The following CDH18 variants were observed in gnomAD, a reference collection of about 807,000 sequenced individuals.
CDH18 encodes cadherin-18.
In CDH18, 31 loss-of-function variants were observed where a neutral mutation model predicts 67.9. The observed-to-expected ratio is 0.46, with a 90% CI of 0.34 to 0.62. CDH18 has a LOEUF of 0.62. Among genes scored for constraint, CDH18 ranks in the 20% least tolerant of loss-of-function variants. The pLI, the probability that CDH18 is intolerant of heterozygous loss-of-function variation, is 0.01. For synonymous variants in CDH18, 362 were observed against 347.2 expected (o/e 1.04, Z -0.48); for missense variants, 890 against 975.5 (o/e 0.91, Z 1.17).
At chr5:19,822,007 C>T (rs911560717) in intron 3 of CDH18, among the ~76,000 whole-genome samples, 2 of 152,132 alleles carry the variant, frequency 1.3e-5, no homozygotes, top group African/African-American at 2.4e-5. Flanking sequence ...TCCACAAAGA[C>T]ACACTTAAGT....
At chr5:19,684,668 T>C (rs1264510632) in intron 5 of CDH18, among the ~76,000 whole-genome samples, 1 of 151,900 alleles carries the variant, frequency 6.6e-6, no homozygotes, top group East Asian at 1.9e-4. Context: ...ATTTTTAAAA[T>C]TGAAAACCCT....
At chr5:20,543,141 G>A (rs1757147319) in intron 1 of CDH18, among the ~76,000 whole-genome samples, 5 of 151,830 alleles carry the variant, frequency 3.3e-5, no homozygotes, top group Admixed American at 3.3e-4. Flanking sequence ...TTTATTGTGG[G>A]AATAACAATT....
chr5:19,571,802 T>A lies in CDH18; in HGVS notation c.1030A>T (p.Thr344Ser), dbSNP rs750542106. ...PLNYEKKKSYTLNIEGANTHL... is the reference protein window; with the variant it reads ...PLNYEKKKSYSLNIEGANTHL... ...GTATTTGCTCCTTCTATGTTGAGGGTATATGACTTCTTTTTCTCATAGTTC... is the reference window on the plus strand; with the variant it reads ...GTATTTGCTCCTTCTATGTTGAGGGAATATGACTTCTTTTTCTCATAGTTC... Residue 344 changes from threonine (T) to serine (S), a missense_variant, in exon 8 of 13, where the codon ACC (threonine) becomes TCC (serine). This residue lies in a region of CDH18 where 656 missense variants were observed against 668.1 expected (regional missense o/e 0.98). Transcript: ENST00000382275. The A allele has an allele frequency of 1.2e-6, 2 of 1,613,466 alleles. No homozygotes were observed. Among genetic ancestry groups the A allele is most frequent in the Non-Finnish European group, 1.7e-6 (2 of 1,179,470 alleles).
intron 2 of CDH18, among the ~76,000 whole-genome samples, chr5:19,967,725 G>A (rs1459261868): frequency 6.6e-6 from 1 of 152,044 alleles, no homozygotes; most frequent in East Asian, 1.9e-4. Flanking sequence ...CAAACCCACA[G>A]CCAATATCAT....
chr5:19,551,677 G>A (rs1398964334), intron 8 of CDH18, among the ~76,000 whole-genome samples: 1 of 152,128 alleles, frequency 6.6e-6, no homozygotes, highest in African/African-American at 2.4e-5. Context: ...TTCTTGGGAA[G>A]CTTCAGTCTA....
chr5:19,805,806 A>G (rs1026817596), intron 3 of CDH18, among the ~76,000 whole-genome samples: 3 of 152,112 alleles, frequency 2.0e-5, no homozygotes, highest in African/African-American at 7.2e-5. Flanking sequence ...TTCTTCTACA[A>G]TTGTCAAATT....
intron 3 of CDH18, among the ~76,000 whole-genome samples, chr5:19,834,109 A>G (rs1358201693): frequency 2.0e-5 from 3 of 149,472 alleles, no homozygotes; most frequent in Non-Finnish European, 3.0e-5. Flanking sequence ...GCCCCTTTTT[A>G]TATTTCTGGT....
At chr5:19,734,331 T>A (rs531798658) in intron 4 of CDH18, among the ~76,000 whole-genome samples, 41 of 152,324 alleles carry the variant, frequency 2.7e-4, no homozygotes, top group Non-Finnish European at 4.6e-4. Flanking sequence ...CCCTTCTATT[T>A]CCAAAGCAGG....
intron 1 of CDH18, among the ~76,000 whole-genome samples, chr5:20,544,973 G>A (rs10059541): frequency 0.44 from 67,067 of 152,040 alleles, 15,224 homozygotes; most frequent in East Asian, 0.57. Context: ...AGATACAATG[G>A]TGGTAAAGGC....
At chr5:20,146,934 C>T (rs111422966) in intron 2 of CDH18, among the ~76,000 whole-genome samples, 1 of 151,980 alleles carries the variant, frequency 6.6e-6, no homozygotes, top group Non-Finnish European at 1.5e-5. Flanking sequence ...CTTTTCTTGA[C>T]CTCTTTGAGG....
chr5:19,740,600 T>C (rs918320128), intron 4 of CDH18, among the ~76,000 whole-genome samples: 4 of 152,164 alleles, frequency 2.6e-5, no homozygotes. Flanking sequence ...TATGTCTTTG[T>C]ATTATTGCTA....
rs751051385 is a variant in CDH18, at chr5:19,612,588, C to T, written c.657G>A (p.Thr219=). The change falls in exon 6 of 13, where the codon ACG becomes ACA. Residue 219 remains threonine, a synonymous_variant. Transcript: ENST00000382275. ...CTTCTCTGTCCATGTTATGTAAGGCCGTTCTAATAACTCCTGTAATAGATA... is the reference window on the plus strand; with the variant it reads ...CTTCTCTGTCCATGTTATGTAAGGCTGTTCTAATAACTCCTGTAATAGATA... ...SVDPKTGVIR[T]ALHNMDREAR... is the part of the protein sequence containing the mutation. 5 of 1,612,108 alleles carry T rather than the reference C, an allele frequency of 3.1e-6. No homozygotes were observed. Among genetic ancestry groups the T allele is most frequent in the Middle Eastern group, 1.7e-4 (1 of 6,060 alleles).
In CDH18 at chr5:19,830,717, T is replaced by C. The variant is rs117593383; in HGVS notation, c.228+8042A>G. ...CCCAAAGGAATATAAATCATCCTAC[T>C]ATAACCACACATATACGCATATGTT... On this transcript the variant is annotated intron_variant, in intron 3 of 12. Coordinates refer to ENST00000382275, the MANE Select transcript of CDH18 (RefSeq NM_004934.5). 4.6e-4 allele frequency among the ~76,000 whole-genome samples: 70 copies of C among 152,256 alleles called. 1 individual carries two copies. In the East Asian group the frequency reaches 0.011, roughly 25 times the overall value.
intron 2 of CDH18, among the ~76,000 whole-genome samples, chr5:19,994,236 T>TAC (rs199969224): frequency 2.6e-5 from 4 of 151,628 alleles, no homozygotes; most frequent in African/African-American, 9.7e-5. Context: ...TACATGTATA[T>TAC]ACACACACAT....
intron 1 of CDH18, among the ~76,000 whole-genome samples, chr5:20,324,221 T>C (rs1020469411): frequency 6.6e-6 from 1 of 152,166 alleles, no homozygotes; most frequent in African/African-American, 2.4e-5. Flanking sequence ...TCTAATTATC[T>C]CTGAAAGCTG....
At chr5:20,327,023 T>C (rs1298696683) in intron 1 of CDH18, among the ~76,000 whole-genome samples, 2 of 152,224 alleles carry the variant, frequency 1.3e-5, no homozygotes, top group African/African-American at 4.8e-5. Context: ...CACGGTTACA[T>C]GTACGATTGA....
At position 20,208,596 on chromosome 5, in the gene CDH18, C is replaced by T. The variant is rs146200495; in HGVS notation, c.-518+46848G>A. Among the ~76,000 whole-genome samples the T allele has an allele frequency of 2.2e-3, 328 of 152,126 alleles. 3 individuals are homozygous for T. Among genetic ancestry groups the T allele is most frequent in the Middle Eastern group, 0.01 (3 of 294 alleles). On this transcript the variant is annotated intron_variant, in intron 2 of 14. Coordinates refer to the CDH18 transcript ENST00000507958. ...AAAATTATTTAAAGACTTAAACCTA[C>T]GACTGGAAACTATGAAACTACTAGA...
At chr5:20,375,629 G>A (rs932220294) in intron 1 of CDH18, among the ~76,000 whole-genome samples, 1 of 152,122 alleles carries the variant, frequency 6.6e-6, no homozygotes, top group African/African-American at 2.4e-5. Flanking sequence ...ACTTCCTGAG[G>A]TGTGACTGTC....
intron 3 of CDH18, among the ~76,000 whole-genome samples, chr5:19,770,064 A>G (rs1201579788): frequency 6.6e-6 from 1 of 152,104 alleles, no homozygotes; most frequent in African/African-American, 2.4e-5. Context: ...AGTTTTTAAA[A>G]GACATAAGTA....
Sources: gnomAD v4.1 joint callset for allele counts (sites outside exome capture counted in the v4.1 genomes callset) on GRCh38, gnomAD v4.1.1 for gene constraint, gnomAD v4.1.1 regional missense constraint, MANE v1.5 for transcripts, NCBI Gene and HGNC (gene_info 2026-07-23, HGNC 2026-07-21) for gene names.